Variants in FYN observed in about 807,000 individuals in gnomAD.
FYN encodes the protein tyrosine-protein kinase Fyn.
FYN carries 10 observed loss-of-function variants against 70.2 expected under a neutral mutation model. The observed-to-expected ratio is 0.14, with a 90% CI of 0.09 to 0.24. The LOEUF (loss-of-function observed/expected upper bound fraction) is 0.24, where lower values mean the gene tolerates loss of function less well. Among genes scored for constraint, FYN ranks in the 10% least tolerant of loss-of-function variants. The pLI, the probability that FYN is intolerant of heterozygous loss-of-function variation, is 1.00. For synonymous variants in FYN, 236 were observed against 248.6 expected, an observed-to-expected ratio of 0.95 and a Z score of 0.48; for missense variants, 319 against 673.1, an observed-to-expected ratio of 0.47 and a Z score of 5.82.
Position 111,661,124 on chromosome 6 carries a change from T to G in FYN, c.*615A>C, listed in dbSNP as rs1354225435. ...CAGAATAACACCGGTGCTTTGATGC[T>G]GACTTGCAGTAAAATCCTCCCTCTG... On this transcript the variant is annotated 3_prime_UTR_variant, in exon 14 of 14. Transcript: ENST00000354650. The surrounding 1 kb of genome is among the most constrained non-coding windows in gnomAD (Gnocchi z 4.0). The G allele has an allele frequency of 3.9e-5, 6 of 152,188 alleles. No homozygotes were observed. Among genetic ancestry groups the G allele is most frequent in the Non-Finnish European group, 2.9e-5 (2 of 68,056 alleles). 9.4% of individuals were successfully genotyped at this position (152,188 alleles called of 1,614,324 possible).
At chr6:111,867,676 T>A (rs1356189252) in intron 1 of FYN, among the ~76,000 whole-genome samples, 1 of 152,032 alleles carries the variant, frequency 6.6e-6, no homozygotes, top group Admixed American at 6.5e-5. Context: ...TGTCTACTGC[T>A]CTCTAATTCT....
At chr6:111,827,803 T>A (rs1298994262) in intron 2 of FYN, among the ~76,000 whole-genome samples, 2 of 152,106 alleles carry the variant, frequency 1.3e-5, no homozygotes, top group Non-Finnish European at 2.9e-5. Flanking sequence ...GAGGAGCCCA[T>A]TTAGATTTTG....
At chr6:111,825,195 CA>C (rs746318912) in intron 2 of FYN, among the ~76,000 whole-genome samples, 10 of 152,182 alleles carry the variant, frequency 6.6e-5, no homozygotes, top group Non-Finnish European at 1.0e-4. Flanking sequence ...TTCCAGTGCA[CA>C]AGCCCTTTGT....
intron 5 of FYN, 72 bp from the exon 6 acceptor site, chr6:111,708,092 G>T: frequency 1.8e-6 from 2 of 1,137,506 alleles, no homozygotes; most frequent in Non-Finnish European, 2.6e-6. Flanking sequence ...ACTGTGGTCT[G>T]AAGTGTATAA....
intron 2 of FYN, among the ~76,000 whole-genome samples, chr6:111,801,087 A>C (rs1040769673): frequency 6.6e-6 from 1 of 152,226 alleles, no homozygotes; most frequent in African/African-American, 2.4e-5. Context: ...GCACAGTGGG[A>C]GAAGAATGGG....
At chr6:111,836,018 G>A (rs866532696) in intron 2 of FYN, among the ~76,000 whole-genome samples, 2 of 152,220 alleles carry the variant, frequency 1.3e-5, no homozygotes, top group African/African-American at 2.4e-5. Context: ...TACAGTTAAA[G>A]GGCCAGGCTG....
At chr6:111,699,913 CTTTTTTTTT>C (rs71021861) in intron 9 of FYN, 182 bp downstream of exon 9, 248 of 186,558 alleles carry the variant, frequency 1.3e-3, no homozygotes, top group African/African-American at 6.5e-3. Context: ...CACTTACTAT[CTTTTTTTTT>C]TTTTTTTTTT....
chr6:111,679,440 T>G (rs575045420), intron 12 of FYN, among the ~76,000 whole-genome samples: 2 of 152,176 alleles, frequency 1.3e-5, no homozygotes, highest in Non-Finnish European at 2.9e-5. Flanking sequence ...TGTGCTTGAG[T>G]GCTGGAGCAT....
intron 2 of FYN, among the ~76,000 whole-genome samples, chr6:111,822,983 C>T (rs149277192): frequency 1.7e-3 from 254 of 152,250 alleles, no homozygotes; most frequent in Admixed American, 4.5e-3. Flanking sequence ...AGGGTAAAAA[C>T]GGGGTGTAAG....
In FYN at chr6:111,776,982, T is replaced by C. The variant is rs55784622; in HGVS notation, c.-12+3584A>G. Among the ~76,000 whole-genome samples the C allele has an allele frequency of 5.0e-3, 761 of 152,270 alleles. 6 individuals carry two copies. Among genetic ancestry groups the C allele is most frequent in the African/African-American group, 0.017 (704 of 41,534 alleles). On this transcript the variant is annotated intron_variant, in intron 3 of 13. Coordinates refer to ENST00000354650, the MANE Select transcript of FYN (RefSeq NM_002037.5). The stretch of plus-strand genomic sequence containing the variant: ...AGATCTCTCTCCTCCCTAAGCACAT[T>C]TTCATCACACCAGAACCGCCTTGAT...
chr6:111,836,035 T>C (rs1055300194), intron 2 of FYN, among the ~76,000 whole-genome samples: 2 of 152,190 alleles, frequency 1.3e-5, no homozygotes, highest in African/African-American at 4.8e-5. Flanking sequence ...GCTGAATGGA[T>C]ACCCTCCATG....
At chr6:111,741,391 T>G (rs563108840) in intron 3 of FYN, among the ~76,000 whole-genome samples, 1 of 152,214 alleles carries the variant, frequency 6.6e-6, no homozygotes, top group African/African-American at 2.4e-5. Flanking sequence ...TTTATGTATG[T>G]ACACACAGAG....
chr6:111,696,539 G>T, intron 9 of FYN, 83 bp from the exon 10 acceptor site: 1 of 1,147,918 alleles, frequency 8.7e-7, no homozygotes, highest in Non-Finnish European at 1.2e-6. Flanking sequence ...ATTTGCATAA[G>T]ATTAGATTTT....
intron 1 of FYN, among the ~76,000 whole-genome samples, chr6:111,862,607 G>C (rs1484708392): frequency 6.6e-6 from 1 of 152,184 alleles, no homozygotes; most frequent in African/African-American, 2.4e-5. Flanking sequence ...CAGTCAAAAA[G>C]GGGAGCGGCA....
intron 12 of FYN, among the ~76,000 whole-genome samples, chr6:111,687,560 G>A (rs1242717006): frequency 6.9e-6 from 1 of 144,650 alleles, no homozygotes; most frequent in Admixed American, 6.9e-5. Context: ...CATGTGGAAG[G>A]AGCCCTGATG....
At chr6:111,871,817 C>A (rs952476307) in intron 1 of FYN, among the ~76,000 whole-genome samples, 1 of 152,168 alleles carries the variant, frequency 6.6e-6, no homozygotes, top group Non-Finnish European at 1.5e-5. Flanking sequence ...ATAACTGTTC[C>A]CTTAAATCTA....
rs1772226281 is a variant in FYN, at chr6:111,808,600, CGTT to C, written c.-81-27968_-81-27966del. 2.0e-5 allele frequency among the ~76,000 whole-genome samples: 3 copies of C among 152,166 alleles called. 1 individual carries two copies. The South Asian group carries it at 6.2e-4, about 32-fold the overall frequency. On this transcript the variant is annotated intron_variant, in intron 2 of 13. Coordinates refer to ENST00000354650, the MANE Select transcript of FYN (RefSeq NM_002037.5). Reference sequence around the variant, plus strand: ...AACCAAAGGGAAAGGAACTCACTGACGTTGTACATAGAAGTCAATTTTCTGGGG... The same window carrying C: ...AACCAAAGGGAAAGGAACTCACTGACGTACATAGAAGTCAATTTTCTGGGG...
chr6:111,822,273 A>T (rs1772688799), intron 2 of FYN, among the ~76,000 whole-genome samples: 2 of 152,240 alleles, frequency 1.3e-5, no homozygotes, highest in African/African-American at 4.8e-5. Context: ...AATGTGGCAC[A>T]TATACACCAT....
intron 8 of FYN, among the ~76,000 whole-genome samples, chr6:111,700,971 AT>A (rs1799807667): frequency 6.6e-6 from 1 of 151,358 alleles, no homozygotes; most frequent in Admixed American, 6.6e-5. Context: ...TGCTTCTTGG[AT>A]ATTTTCCATT....
Sources: allele counts gnomAD v4.1 joint callset (sites outside exome capture counted in the v4.1 genomes callset), GRCh38; gene constraint gnomAD v4.1.1; non-coding constraint Gnocchi (gnomAD v3.1); transcripts MANE v1.5; gene names NCBI Gene and HGNC (gene_info 2026-07-23, HGNC 2026-07-21).